Variants in RAG1 observed in about 807,000 individuals in gnomAD.
RAG1 encodes the protein V(D)J recombination-activating protein 1.
A neutral mutation model predicts 62.7 loss-of-function variants in RAG1; 35 were observed. The ratio of observed to expected loss-of-function variants is 0.56; its 90% CI spans 0.43 to 0.74. RAG1 has a LOEUF of 0.74. RAG1 is among the 30% of genes least tolerant of loss of function. The pLI is 0.00. For missense variants in RAG1, 1,169 were observed against 1,278.6 expected (o/e 0.91, Z 1.31); for synonymous variants, 461 against 470.3 (o/e 0.98, Z 0.26).
intron 3 of RAG1, among the ~76,000 whole-genome samples, chr11:36,550,812 A>T (rs1300689699): frequency 6.6e-6 from 1 of 152,104 alleles, no homozygotes; most frequent in Non-Finnish European, 1.5e-5. Flanking sequence ...ATCACAGACT[A>T]AGAGAGAAAA....
downstream of RAG1, among the ~76,000 whole-genome samples, chr11:36,540,850 AT>A (rs2133264261): frequency 6.6e-6 from 1 of 152,208 alleles, no homozygotes; most frequent in Non-Finnish European, 1.5e-5. Context: ...TCGTCTCTCC[AT>A]TTTTTATTTT....
intron 2 of RAG1, among the ~76,000 whole-genome samples, chr11:36,520,509 T>A (rs1341772686): frequency 1.3e-5 from 2 of 152,128 alleles, no homozygotes; most frequent in African/African-American, 4.8e-5. Context: ...ACTCCTGACC[T>A]CAGGTGTTCC....
intron 2 of RAG1, among the ~76,000 whole-genome samples, chr11:36,533,709 G>C (rs1012531583): frequency 6.6e-6 from 1 of 152,016 alleles, no homozygotes; most frequent in Non-Finnish European, 1.5e-5. Flanking sequence ...TTTAAATGGG[G>C]ATGCCTCTAT....
intron 1 of RAG1, 27 bp downstream of exon 1, chr11:36,568,149 A>G (rs1004419273): frequency 1.2e-4 from 19 of 152,180 alleles, no homozygotes; most frequent in Admixed American, 1.2e-3. Context: ...TCATGCCTTG[A>G]GCCAAAATAT....
intron 2 of RAG1, among the ~76,000 whole-genome samples, chr11:36,526,714 C>G (rs982186115): frequency 1.3e-5 from 2 of 152,170 alleles, no homozygotes; most frequent in Non-Finnish European, 2.9e-5. Flanking sequence ...TAAAAGCATT[C>G]CTATTTCTCC....
In RAG1 at chr11:36,575,211, A is replaced by G. The variant is rs909682682; in HGVS notation, c.1907A>G (p.His636Arg). The G allele has an allele frequency of 1.6e-5, 26 of 1,614,094 alleles. No homozygotes were observed. Among genetic ancestry groups the G allele is most frequent in the Non-Finnish European group, 2.2e-5 (26 of 1,180,048 alleles). The change falls in exon 2 of 2, where the codon CAC becomes CGC. Residue 636 changes from histidine (H) to arginine (R), a missense_variant. His to Arg is a conservative substitution (Grantham distance 29). Transcript: ENST00000299440. The surrounding 1 kb of genome is among the most constrained non-coding windows in gnomAD (Gnocchi z 4.1). Reference protein sequence around the residue: ...SFTIMKITIAHSSQNVKVFEE... With the variant: ...SFTIMKITIARSSQNVKVFEE... ...ACAATCATGAAAATTACTATTGCCC[A>G]CAGCTCTCAGAATGTGAAAGTATTT... is the stretch of plus-strand genomic sequence containing the variant.
intron 2 of RAG1, among the ~76,000 whole-genome samples, chr11:36,533,668 A>G (rs562018690): frequency 5.3e-5 from 8 of 152,150 alleles, no homozygotes; most frequent in Non-Finnish European, 1.0e-4. Flanking sequence ...TAATGGTGAA[A>G]GTGTTTTGTT....
In RAG1 at chr11:36,574,711, T is replaced by A. The variant is rs1372561069; in HGVS notation, c.1407T>A (p.Val469=). Residue 469 remains valine, a synonymous_variant, in exon 2 of 2, where the codon GTT becomes GTA. Transcript: ENST00000299440. Reference sequence around the variant, plus strand: ...AGGGCTCTGGCCTGCAGCCAGCTGTTTGCTTGGCCATCCGTGTCAACACCT... The same window carrying A: ...AGGGCTCTGGCCTGCAGCCAGCTGTATGCTTGGCCATCCGTGTCAACACCT... ...QGKGSGLQPA[V]CLAIRVNTFL... is the part of the protein sequence containing the mutation. 1 of 1,614,222 alleles carries A rather than the reference T, an allele frequency of 6.2e-7. No individual in the cohort carries two copies. Among genetic ancestry groups the A allele is most frequent in the Admixed American group, 1.7e-5 (1 of 60,030 alleles).
chr11:36,512,439 G>T (rs986029756), intron 1 of RAG1, among the ~76,000 whole-genome samples: 1 of 152,198 alleles, frequency 6.6e-6, no homozygotes, highest in Non-Finnish European at 1.5e-5. Flanking sequence ...CTTTTCTGCT[G>T]CATAGCTAAG....
At chr11:36,512,821 G>T (rs145855239) in intron 1 of RAG1, among the ~76,000 whole-genome samples, 152 of 152,194 alleles carry the variant, frequency 1.0e-3, no homozygotes, top group African/African-American at 3.0e-3. Context: ...AATTACTTTT[G>T]TACCAACCTA....
At chr11:36,535,186 C>G (rs1244878677) in intron 2 of RAG1, among the ~76,000 whole-genome samples, 1 of 151,476 alleles carries the variant, frequency 6.6e-6, no homozygotes, top group Non-Finnish European at 1.5e-5. Context: ...ATATATATTT[C>G]AAGTTCAACA....
At chr11:36,567,519 A>G (rs1850678248), upstream of RAG1, 1 of 152,198 alleles carries the variant, frequency 6.6e-6, no homozygotes, top group South Asian at 2.1e-4. Flanking sequence ...ACCAGGTTGA[A>G]AGGTTCTGAG....
intron 2 of RAG1, among the ~76,000 whole-genome samples, chr11:36,525,608 T>C (rs1229430117): frequency 6.6e-6 from 1 of 152,196 alleles, no homozygotes; most frequent in African/African-American, 2.4e-5. Flanking sequence ...ATCCTTTACA[T>C]GTTTCGTACG....
Position 36,525,159 on chromosome 11 carries a change from GT to G in RAG1, n.428+4936del, listed in dbSNP as rs201571377. On this transcript the variant is annotated intron_variant and non_coding_transcript_variant, in intron 2 of 2. Coordinates refer to the RAG1 transcript ENST00000529126. ...TCTAGTACCATTTGTTTAAAAGGCTGTTTTTTCTCTATTGAATTGTTTTTGC... is the reference window on the plus strand; with the variant it reads ...TCTAGTACCATTTGTTTAAAAGGCTGTTTTTCTCTATTGAATTGTTTTTGC... Among the ~76,000 whole-genome samples, 517 of 151,418 alleles carry G rather than the reference GT, an allele frequency of 3.4e-3. 1 individual carries two copies. Among genetic ancestry groups the G allele is most frequent in the African/African-American group, 0.011 (465 of 41,302 alleles).
downstream of RAG1, among the ~76,000 whole-genome samples, chr11:36,536,743 A>T (rs1860334590): frequency 6.6e-6 from 1 of 151,306 alleles, no homozygotes; most frequent in Non-Finnish European, 1.5e-5. Flanking sequence ...CTACATATAT[A>T]AAGTAAATTT....
In RAG1 at chr11:36,573,614, C is replaced by G. The variant is rs991160720; in HGVS notation, c.310C>G (p.Gln104Glu). Residue 104 changes from glutamine (Q) to glutamate (E), a missense_variant, in exon 2 of 2, where the codon CAA becomes GAA. Around this residue, in one of 2 missense-constraint regions of RAG1, gnomAD observed 369 missense variants for 335.3 expected, o/e 1.10. Coordinates refer to ENST00000299440, the MANE Select transcript of RAG1 (RefSeq NM_000448.3). The stretch of plus-strand genomic sequence containing the variant: ...GAAAGCAAGAGGCAAAGCGATCCAT[C>G]AAGCCAACCTTCGACATCTCTGCCG... ...NEKARGKAIH[Q>E]ANLRHLCRIC... 2 of 1,614,180 alleles carry G rather than the reference C, an allele frequency of 1.2e-6. No homozygotes were observed. The highest frequency in any genetic ancestry group is 1.7e-6 in the Non-Finnish European group (2 of 1,180,028).
intron 2 of RAG1, among the ~76,000 whole-genome samples, chr11:36,527,832 C>T (rs1860188574): frequency 6.6e-6 from 1 of 152,052 alleles, no homozygotes; most frequent in African/African-American, 2.4e-5. Flanking sequence ...CTCTTTGTGG[C>T]AATTGTGAAT....
chr11:36,538,846 G>A (rs1860371360), downstream of RAG1, among the ~76,000 whole-genome samples: 2 of 152,088 alleles, frequency 1.3e-5, no homozygotes, highest in African/African-American at 4.8e-5. Flanking sequence ...GTTCATCAGG[G>A]TCACCTCCCT....
intron 2 of RAG1, among the ~76,000 whole-genome samples, chr11:36,529,988 T>C (rs1860228562): frequency 1.3e-5 from 2 of 152,102 alleles, no homozygotes; most frequent in African/African-American, 4.8e-5. Context: ...AAATTACAAA[T>C]TCAGTTTCCT....
Sources: allele counts gnomAD v4.1 joint callset (sites outside exome capture counted in the v4.1 genomes callset), GRCh38; gene constraint gnomAD v4.1.1; regional missense constraint gnomAD v4.1.1; non-coding constraint Gnocchi (gnomAD v3.1); transcripts MANE v1.5; gene names NCBI Gene and HGNC (gene_info 2026-07-23, HGNC 2026-07-21).